Variants in LMX1A observed in about 807,000 individuals in gnomAD.
LMX1A encodes LIM homeobox transcription factor 1-alpha.
LMX1A carries 15 observed loss-of-function variants against 49.1 expected under a neutral mutation model. The observed-to-expected ratio is 0.31, with a 90% CI of 0.20 to 0.47. The LOEUF is 0.47. LMX1A is among the 20% of genes least tolerant of loss of function. LMX1A has a pLI of 1.00. For missense variants in LMX1A, 372 were observed against 475.8 expected (o/e 0.78, Z 2.03); for synonymous variants, 167 against 185.7 (o/e 0.90, Z 0.82).
chr1:165,243,010 T>C (rs1374185476), intron 4 of LMX1A, among the ~76,000 whole-genome samples: 2 of 148,526 alleles, frequency 1.3e-5, no homozygotes, highest in African/African-American at 5.0e-5. Flanking sequence ...CTGGAATGGA[T>C]AAAAGTCATT....
intron 3 of LMX1A, among the ~76,000 whole-genome samples, chr1:165,276,145 G>A (rs1653961357): frequency 6.6e-6 from 1 of 152,090 alleles, no homozygotes; most frequent in Non-Finnish European, 1.5e-5. Context: ...CTACAATCCT[G>A]AGAATACATT....
At chr1:165,258,867 T>G (rs1216781236) in intron 3 of LMX1A, among the ~76,000 whole-genome samples, 1 of 152,176 alleles carries the variant, frequency 6.6e-6, no homozygotes, top group African/African-American at 2.4e-5. Context: ...AAACCTTGGT[T>G]CTATCTTTAA....
At chr1:165,331,644 CGGTGG>C (rs1442170173) in intron 3 of LMX1A, among the ~76,000 whole-genome samples, 2 of 152,202 alleles carry the variant, frequency 1.3e-5, no homozygotes, top group Non-Finnish European at 2.9e-5. Context: ...GGGCCGGGCA[CGGTGG>C]CTCACACCTG....
At chr1:165,331,290 T>TA (rs897999184) in intron 3 of LMX1A, among the ~76,000 whole-genome samples, 1 of 152,072 alleles carries the variant, frequency 6.6e-6, no homozygotes, top group African/African-American at 2.4e-5. Context: ...ATACAAACTA[T>TA]AAAAAATCAA....
rs189270754 is a variant in LMX1A at position 165,209,734 on chromosome 1, G to A, written c.747+965C>T. Among the ~76,000 whole-genome samples, 233 of 152,308 alleles carry A rather than the reference G, an allele frequency of 1.5e-3. 1 individual carries two copies. Among genetic ancestry groups the A allele is most frequent in the Non-Finnish European group, 2.3e-3 (158 of 68,028 alleles). On this transcript the variant is annotated intron_variant, in intron 6 of 8. Coordinates refer to ENST00000342310, the MANE Select transcript of LMX1A (RefSeq NM_177398.4). Reference sequence around the variant, plus strand: ...TTGTAATATCCTTTGTAATAAAGCAGTAAATATAAGTAAGTATTTCCCTGA... The same window carrying A: ...TTGTAATATCCTTTGTAATAAAGCAATAAATATAAGTAAGTATTTCCCTGA...
chr1:165,242,479 A>AG (rs201302908), intron 4 of LMX1A, among the ~76,000 whole-genome samples: 1 of 151,130 alleles, frequency 6.6e-6, no homozygotes, highest in African/African-American at 2.4e-5. Flanking sequence ...AAAAAAAAAA[A>AG]GCATTTGGAT....
intron 6 of LMX1A, among the ~76,000 whole-genome samples, chr1:165,209,372 A>G (rs1174240200): frequency 6.6e-6 from 1 of 152,228 alleles, no homozygotes; most frequent in Non-Finnish European, 1.5e-5. Context: ...AATGTTAATG[A>G]CTGACTGACA....
chr1:165,273,993 T>A (rs868583305), intron 3 of LMX1A, among the ~76,000 whole-genome samples: 1 of 152,228 alleles, frequency 6.6e-6, no homozygotes, highest in Non-Finnish European at 1.5e-5. Context: ...ACTACATCAT[T>A]CATTCCTCAC....
At chr1:165,217,183 T>C (rs1651671304) in intron 4 of LMX1A, among the ~76,000 whole-genome samples, 2 of 152,270 alleles carry the variant, frequency 1.3e-5, no homozygotes, top group South Asian at 4.2e-4. Flanking sequence ...GCCTGTGTGC[T>C]TGTGAGAAAG....
chr1:165,251,468 G>A (rs61800555), intron 3 of LMX1A, among the ~76,000 whole-genome samples: 29,155 of 152,056 alleles, frequency 0.19, 2,880 homozygotes, highest in South Asian at 0.28. Context: ...TGGAGGTAGC[G>A]AGATGAGTGA....
At chr1:165,346,439 G>C (rs1408467831) in intron 3 of LMX1A, among the ~76,000 whole-genome samples, 1 of 152,214 alleles carries the variant, frequency 6.6e-6, no homozygotes, top group African/African-American at 2.4e-5. Flanking sequence ...GTGCAATAAT[G>C]GGGAATCTGG....
intron 3 of LMX1A, among the ~76,000 whole-genome samples, chr1:165,281,197 T>C (rs1654138027): frequency 6.6e-6 from 1 of 151,986 alleles, no homozygotes; most frequent in Admixed American, 6.6e-5. Flanking sequence ...TTAGTACCTC[T>C]GAGAAAAAAA....
intron 3 of LMX1A, among the ~76,000 whole-genome samples, chr1:165,313,877 T>G (rs575625276): frequency 3.4e-4 from 52 of 152,308 alleles, no homozygotes; most frequent in Non-Finnish European, 6.6e-4. Context: ...ATTTTCTCAC[T>G]TATCCCTGCA....
At chr1:165,289,048 CA>C (rs1198519781) in intron 3 of LMX1A, among the ~76,000 whole-genome samples, 1 of 152,154 alleles carries the variant, frequency 6.6e-6, no homozygotes, top group Admixed American at 6.5e-5. Context: ...GGGTGTCTTA[CA>C]AAACACCCAC....
intron 3 of LMX1A, among the ~76,000 whole-genome samples, chr1:165,299,654 GA>G (rs1654717020): frequency 6.7e-6 from 1 of 150,124 alleles, no homozygotes; most frequent in Admixed American, 6.7e-5. Flanking sequence ...CGACCATGAA[GA>G]AAAGTCAACA....
chr1:165,228,168 A>G (rs1652103768), intron 4 of LMX1A, among the ~76,000 whole-genome samples: 1 of 152,214 alleles, frequency 6.6e-6, no homozygotes, highest in Non-Finnish European at 1.5e-5. Flanking sequence ...GAAAACAGTG[A>G]CTGATGGAGA....
intron 3 of LMX1A, among the ~76,000 whole-genome samples, chr1:165,289,052 A>G (rs1323691318): frequency 6.6e-6 from 1 of 152,140 alleles, no homozygotes; most frequent in African/African-American, 2.4e-5. Context: ...GTCTTACAAA[A>G]CACCCACACC....
At chr1:165,249,857 A>T (rs2102638251) in intron 3 of LMX1A, among the ~76,000 whole-genome samples, 1 of 152,336 alleles carries the variant, frequency 6.6e-6, no homozygotes, top group South Asian at 2.1e-4. Context: ...CTGACTGGAT[A>T]AAGGAAATGT....
intron 4 of LMX1A, among the ~76,000 whole-genome samples, chr1:165,239,854 A>G (rs1470980845): frequency 6.6e-6 from 1 of 152,224 alleles, no homozygotes; most frequent in East Asian, 1.9e-4. Context: ...GGGCCCAGAG[A>G]TGATATCATT....
Sources: allele counts gnomAD v4.1 joint callset (sites outside exome capture counted in the v4.1 genomes callset), GRCh38; gene constraint gnomAD v4.1.1; transcripts MANE v1.5; gene names NCBI Gene and HGNC (gene_info 2026-07-23, HGNC 2026-07-21).